ZNF841: variants seen among roughly 807,000 people sequenced by gnomAD.
The protein encoded by ZNF841 is TCONS_00006091.
In ZNF841, 11 loss-of-function variants were observed where a neutral mutation model predicts 13.0. The observed-to-expected ratio is 0.85, with a 90% CI of 0.53 to 1.40. ZNF841 has a LOEUF of 1.40. Among genes scored for constraint, ZNF841 ranks in the 40% most tolerant of loss-of-function variants. The pLI, the probability that ZNF841 is intolerant of heterozygous loss-of-function variation, is 0.00. For synonymous variants in ZNF841, 369 were observed against 381.6 expected, an observed-to-expected ratio of 0.97 and a Z score of 0.38; for missense variants, 1,068 against 1,139.5, an observed-to-expected ratio of 0.94 and a Z score of 0.90.
chr19:52,074,865 A>G (rs1011497760), intron 6 of ZNF841, among the ~76,000 whole-genome samples: 6 of 152,194 alleles, frequency 3.9e-5, no homozygotes, highest in Non-Finnish European at 8.8e-5. Flanking sequence ...AAAGAGGACC[A>G]TTAGTATATG....
At chr19:52,074,299 T>C (rs932473394) in intron 6 of ZNF841, among the ~76,000 whole-genome samples, 6 of 152,344 alleles carry the variant, frequency 3.9e-5, no homozygotes, top group African/African-American at 1.4e-4. Flanking sequence ...AGTTCATTTA[T>C]AATACATGAA....
intron 4 of ZNF841, among the ~76,000 whole-genome samples, chr19:52,082,820 C>T (rs1313235714): frequency 3.3e-5 from 5 of 152,198 alleles, no homozygotes; most frequent in Non-Finnish European, 5.9e-5. Context: ...GTGGCTGACA[C>T]CTGTAATCCC....
intron 6 of ZNF841, among the ~76,000 whole-genome samples, chr19:52,070,607 TC>T (rs773419375): frequency 4.6e-5 from 7 of 152,226 alleles, no homozygotes; most frequent in Non-Finnish European, 8.8e-5. Context: ...CATCCTGCAT[TC>T]ATGATAAACA....
At chr19:52,072,538 T>C (rs2087767875) in intron 6 of ZNF841, among the ~76,000 whole-genome samples, 1 of 152,118 alleles carries the variant, frequency 6.6e-6, no homozygotes, top group African/African-American at 2.4e-5. Flanking sequence ...TATCAACAAA[T>C]ATGTGGAAAC....
At chr19:52,075,980 C>T (rs1291788155) in intron 6 of ZNF841, 64 bp downstream of exon 6, 5 of 1,521,570 alleles carry the variant, frequency 3.3e-6, no homozygotes, top group African/African-American at 1.4e-5. Context: ...AACTCTCCCA[C>T]TTGCAGAGTC....
downstream of ZNF841, among the ~76,000 whole-genome samples, chr19:52,060,440 G>T (rs908376942): frequency 6.6e-6 from 1 of 152,144 alleles, no homozygotes; most frequent in African/African-American, 2.4e-5. Flanking sequence ...AGGTTTCCGT[G>T]TGGAAGTGCC....
At chr19:52,077,242 G>A (rs1006586494) in intron 4 of ZNF841, among the ~76,000 whole-genome samples, 158 bp from the exon 5 acceptor site, 5 of 152,156 alleles carry the variant, frequency 3.3e-5, no homozygotes, top group Non-Finnish European at 7.3e-5. Flanking sequence ...CTGATTTTGG[G>A]TTTTATAAAA....
chr19:52,089,468 C>T (rs1006926523), intron 2 of ZNF841, among the ~76,000 whole-genome samples: 12 of 152,006 alleles, frequency 7.9e-5, no homozygotes, highest in Non-Finnish European at 7.4e-5. Flanking sequence ...CATGGCAAAA[C>T]CCCGAGTCTA....
At chr19:52,069,506 G>T (rs2087682723) in intron 6 of ZNF841, among the ~76,000 whole-genome samples, 1 of 152,168 alleles carries the variant, frequency 6.6e-6, no homozygotes, top group African/African-American at 2.4e-5. Context: ...AAAACTTACA[G>T]ATACAATGTA....
Position 52,067,000 on chromosome 19 carries a change from A to C in ZNF841, c.882T>G (p.Ser294=). The change falls in exon 7 of 7, where the codon TCT becomes TCG. Residue 294 remains serine, a synonymous_variant. Transcript: ENST00000594440. ...GTGAGCCCCGATGAAAGGCTTTACC[A>C]GACTCATTGCATCTGTAAGGTTTCT... ...TTEKPYRCNE[S]GKAFHRGSLL... 1 of 1,614,136 alleles carries C rather than the reference A, an allele frequency of 6.2e-7. No homozygotes were observed. Among genetic ancestry groups the C allele is most frequent in the Non-Finnish European group, 8.5e-7 (1 of 1,180,000 alleles).
chr19:52,065,605 A>G lies in ZNF841; in HGVS notation c.2277T>C (p.His759=), dbSNP rs772222902. 3.7e-6 allele frequency: 6 copies of G among 1,613,230 alleles called. No homozygotes were observed. The East Asian group carries it at 8.9e-5, about 24-fold the overall frequency. ...TACATTTGTAAGGTTTCTCTCCAGTATGAATTCTCCGATGCCTTGCCAGGG... is the reference window on the plus strand; with the variant it reads ...TACATTTGTAAGGTTTCTCTCCAGTGTGAATTCTCCGATGCCTTGCCAGGG... ...TTTLARHRRI[H]TGEKPYKCNE... The change falls in exon 7 of 7, where the codon CAT becomes CAC. Residue 759 remains histidine (H), a synonymous_variant. Coordinates refer to ENST00000594440, the MANE Select transcript of ZNF841 (RefSeq NM_001136499.2).
At chr19:52,061,605 G>A (rs989663556), downstream of ZNF841, among the ~76,000 whole-genome samples, 2 of 151,984 alleles carry the variant, frequency 1.3e-5, no homozygotes, top group Admixed American at 1.3e-4. Context: ...GGAGTGCAAT[G>A]GCTTGATCTC....
At chr19:52,094,736 A>G (rs1285983450) in intron 1 of ZNF841, among the ~76,000 whole-genome samples, 1 of 151,756 alleles carries the variant, frequency 6.6e-6, no homozygotes, top group Non-Finnish European at 1.5e-5. Context: ...AGCACCACGT[A>G]GCTCTGTCAG....
downstream of ZNF841, among the ~76,000 whole-genome samples, chr19:52,062,117 C>T (rs1437960031): frequency 3.3e-5 from 5 of 152,120 alleles, no homozygotes; most frequent in South Asian, 8.3e-4. Context: ...AGCTAGGAAG[C>T]TACTCTAAAA....
chr19:52,087,683 A>G (rs540128812), intron 3 of ZNF841, among the ~76,000 whole-genome samples: 2 of 151,814 alleles, frequency 1.3e-5, no homozygotes, highest in Non-Finnish European at 2.9e-5. Flanking sequence ...GGGAAAAAAA[A>G]CTCCAAAAAA....
At chr19:52,084,754 AG>A in intron 4 of ZNF841, 32 bp downstream of exon 4, 1 of 1,611,460 alleles carries the variant, frequency 6.2e-7, no homozygotes, top group Non-Finnish European at 8.5e-7. Flanking sequence ...AAAAGGGAGG[AG>A]ACAGAACAAT....
chr19:52,071,907 G>A (rs559717065), intron 6 of ZNF841, among the ~76,000 whole-genome samples: 27 of 152,246 alleles, frequency 1.8e-4, no homozygotes, highest in Admixed American at 2.0e-4. Context: ...ACAGAGACTG[G>A]CTGAATAAAT....
At chr19:52,080,772 G>T (rs894579375) in intron 4 of ZNF841, among the ~76,000 whole-genome samples, 3 of 152,148 alleles carry the variant, frequency 2.0e-5, no homozygotes, top group East Asian at 1.9e-4. Context: ...ATGAAGAGAT[G>T]ACAAGCAAAG....
At chr19:52,069,724 CA>C (rs1190234561) in intron 6 of ZNF841, among the ~76,000 whole-genome samples, 2 of 152,118 alleles carry the variant, frequency 1.3e-5, no homozygotes, top group African/African-American at 2.4e-5. Flanking sequence ...CAGAGTCAGC[CA>C]TGGCACACCA....
Sources: allele counts gnomAD v4.1 joint callset (sites outside exome capture counted in the v4.1 genomes callset), GRCh38; gene constraint gnomAD v4.1.1; transcripts MANE v1.5; gene names NCBI Gene and HGNC (gene_info 2026-07-23, HGNC 2026-07-21).